The following NCAM2 variants were observed in gnomAD, a reference collection of about 807,000 sequenced individuals.
NCAM2 encodes N-CAM-2.
In NCAM2, 30 loss-of-function variants were observed where a neutral mutation model predicts 98.1. The ratio of observed to expected loss-of-function variants is 0.31; its 90% CI spans 0.23 to 0.41. The LOEUF (loss-of-function observed/expected upper bound fraction) is 0.41, where lower values mean the gene tolerates loss of function less well. Ranked by LOEUF, NCAM2 falls within the 10% of genes least tolerant of loss-of-function variation. NCAM2 has a pLI of 1.00. For missense variants in NCAM2, 867 were observed against 1,005.8 expected, an observed-to-expected ratio of 0.86 and a Z score of 1.87; for synonymous variants, 368 against 342.4, an observed-to-expected ratio of 1.07 and a Z score of -0.83.
At chr21:21,008,405 A>G (rs1263595713) in intron 1 of NCAM2, among the ~76,000 whole-genome samples, 1 of 152,154 alleles carries the variant, frequency 6.6e-6, no homozygotes, top group Admixed American at 6.6e-5. Context: ...ATGTTGTGGG[A>G]CATATTAATT....
At chr21:21,191,126 T>G (rs1236146494) in intron 1 of NCAM2, among the ~76,000 whole-genome samples, 1 of 152,162 alleles carries the variant, frequency 6.6e-6, no homozygotes, top group Non-Finnish European at 1.5e-5. Context: ...CCTTTAGCAA[T>G]GAATGATAGT....
chr21:21,081,495 A>G (rs915673516), intron 1 of NCAM2, among the ~76,000 whole-genome samples: 1 of 152,066 alleles, frequency 6.6e-6, no homozygotes, highest in African/African-American at 2.4e-5. Flanking sequence ...AAAAAAGACA[A>G]TGTATTACTT....
chr21:21,209,337 T>C (rs1461428541), intron 1 of NCAM2, among the ~76,000 whole-genome samples: 1 of 152,192 alleles, frequency 6.6e-6, no homozygotes, highest in Non-Finnish European at 1.5e-5. Context: ...TGTCTCATCT[T>C]CCCAGATAGC....
At chr21:21,252,936 C>A (rs941044722) in intron 1 of NCAM2, among the ~76,000 whole-genome samples, 1 of 152,114 alleles carries the variant, frequency 6.6e-6, no homozygotes, top group Non-Finnish European at 1.5e-5. Flanking sequence ...GAAGCATTAT[C>A]ATAATCTTAC....
chr21:21,332,147 C>T (rs567540999), intron 6 of NCAM2, among the ~76,000 whole-genome samples: 70 of 151,814 alleles, frequency 4.6e-4, no homozygotes, highest in African/African-American at 1.6e-3. Flanking sequence ...TTGTGATCTG[C>T]CCTGCCCGCC....
chr21:21,078,023 G>C (rs1409399724), intron 1 of NCAM2, among the ~76,000 whole-genome samples: 1 of 152,012 alleles, frequency 6.6e-6, no homozygotes, highest in African/African-American at 2.4e-5. Flanking sequence ...AATAATCTTA[G>C]TGATAGTAAA....
At chr21:21,319,744 G>A (rs1235601608) in intron 5 of NCAM2, among the ~76,000 whole-genome samples, 4 of 151,508 alleles carry the variant, frequency 2.6e-5, no homozygotes, top group Non-Finnish European at 4.4e-5. Context: ...TATGATCTAC[G>A]CAAAAAGCCA....
At chr21:21,409,844 C>T (rs971062544) in intron 9 of NCAM2, among the ~76,000 whole-genome samples, 8 of 152,180 alleles carry the variant, frequency 5.3e-5, no homozygotes, top group Non-Finnish European at 1.2e-4. Flanking sequence ...GGAGCGGTGG[C>T]TCACGCCTGT....
intron 1 of NCAM2, among the ~76,000 whole-genome samples, chr21:21,075,944 C>T (rs1211963061): frequency 1.3e-5 from 2 of 151,944 alleles, no homozygotes; most frequent in African/African-American, 4.8e-5. Context: ...TAGTGAAACC[C>T]CGTCTCGACT....
At chr21:21,094,113 A>G (rs1309694358) in intron 1 of NCAM2, among the ~76,000 whole-genome samples, 1 of 151,978 alleles carries the variant, frequency 6.6e-6, no homozygotes, top group Non-Finnish European at 1.5e-5. Flanking sequence ...TCTTGATTAT[A>G]TATTTGATAC....
Position 21,278,894 on chromosome 21 carries a change from G to A in NCAM2, c.56-1684G>A, listed in dbSNP as rs534500152. 9.2e-4 allele frequency among the ~76,000 whole-genome samples: 140 copies of A among 151,716 alleles called. 3 individuals carry two copies. Among genetic ancestry groups the A allele is most frequent in the Admixed American group, 3.9e-4 (6 of 15,212 alleles). ...TCAATGTAGTTGTGTTATATTCTTA[G>A]TCTAAAAATTATGTTAGTTGAAATC... On this transcript the variant is annotated intron_variant, in intron 1 of 17. Transcript: ENST00000400546.
At chr21:21,047,384 T>C (rs2065024334) in intron 1 of NCAM2, among the ~76,000 whole-genome samples, 1 of 152,180 alleles carries the variant, frequency 6.6e-6, no homozygotes, top group Non-Finnish European at 1.5e-5. Flanking sequence ...AGGAGGTGGC[T>C]AATGAGCAGA....
intron 1 of NCAM2, among the ~76,000 whole-genome samples, chr21:21,272,022 A>G (rs1217147701): frequency 6.6e-6 from 1 of 152,184 alleles, no homozygotes; most frequent in Non-Finnish European, 1.5e-5. Context: ...GTGCACATGT[A>G]CCCTAGAACT....
intron 1 of NCAM2, among the ~76,000 whole-genome samples, chr21:21,203,754 T>C (rs550007988): frequency 6.6e-6 from 1 of 152,286 alleles, no homozygotes; most frequent in East Asian, 1.9e-4. Flanking sequence ...CAGATAAGAC[T>C]GAAGATTTTT....
At chr21:21,057,881 C>G (rs934358651) in intron 1 of NCAM2, among the ~76,000 whole-genome samples, 2 of 151,960 alleles carry the variant, frequency 1.3e-5, no homozygotes, top group African/African-American at 2.4e-5. Flanking sequence ...ATATCCCTCA[C>G]GTTAACTTTC....
intron 1 of NCAM2, among the ~76,000 whole-genome samples, chr21:21,058,666 A>G (rs1297666977): frequency 6.3e-5 from 4 of 63,922 alleles, no homozygotes; most frequent in Admixed American, 2.5e-4. Flanking sequence ...AAATTCACAC[A>G]GGATTTTTTT....
intron 10 of NCAM2, among the ~76,000 whole-genome samples, chr21:21,416,414 A>G (rs2076994435): frequency 6.6e-6 from 1 of 152,076 alleles, no homozygotes; most frequent in African/African-American, 2.4e-5. Context: ...AGTCAGAGAG[A>G]CAGGACATGG....
intron 1 of NCAM2, among the ~76,000 whole-genome samples, chr21:21,035,383 G>C (rs529008941): frequency 6.6e-6 from 1 of 152,240 alleles, no homozygotes; most frequent in African/African-American, 2.4e-5. Flanking sequence ...AAATCAGGTA[G>C]AGAGAAAGGT....
At chr21:21,038,749 A>G (rs1447137536) in intron 1 of NCAM2, among the ~76,000 whole-genome samples, 5 of 152,174 alleles carry the variant, frequency 3.3e-5, no homozygotes, top group Admixed American at 6.5e-5. Context: ...GAACAGACCA[A>G]TACACTTCTG....
Sources: gnomAD v4.1 joint callset for allele counts (sites outside exome capture counted in the v4.1 genomes callset) on GRCh38, gnomAD v4.1.1 for gene constraint, MANE v1.5 for transcripts, NCBI Gene and HGNC (gene_info 2026-07-23, HGNC 2026-07-21) for gene names.